The following ERBB4 variants were observed in gnomAD, a reference collection of about 807,000 sequenced individuals.
The protein encoded by ERBB4 is erb-b2 receptor tyrosine kinase 4.
In ERBB4, 42 loss-of-function variants were observed where a neutral mutation model predicts 158.0. The observed-to-expected ratio is 0.27, with a 90% CI of 0.21 to 0.34. ERBB4 has a LOEUF of 0.34. Among genes scored for constraint, ERBB4 ranks in the 10% least tolerant of loss-of-function variants. The pLI is 1.00. For synonymous variants in ERBB4, 583 were observed against 558.7 expected, an observed-to-expected ratio of 1.04 and a Z score of -0.61; for missense variants, 1,333 against 1,624.1, an observed-to-expected ratio of 0.82 and a Z score of 3.08.
intron 1 of ERBB4, among the ~76,000 whole-genome samples, chr2:212,149,219 T>C (rs145160195): frequency 6.0e-4 from 91 of 152,252 alleles, no homozygotes; most frequent in African/African-American, 2.1e-3. Context: ...TACATGAGAT[T>C]TGGAAAAGTA....
At chr2:211,959,489 A>G (rs1235539957) in intron 2 of ERBB4, among the ~76,000 whole-genome samples, 3 of 150,730 alleles carry the variant, frequency 2.0e-5, no homozygotes, top group East Asian at 3.9e-4. Context: ...TCCATTTTGG[A>G]AAAAAAAATG....
intron 20 of ERBB4, among the ~76,000 whole-genome samples, chr2:211,448,433 G>A (rs2064164279): frequency 6.6e-6 from 1 of 150,574 alleles, no homozygotes; most frequent in African/African-American, 2.4e-5. Context: ...AGATGACAAG[G>A]AAAATTGTAT....
rs2125308717 is a variant in ERBB4, at chr2:211,383,705, T to A, written c.3837A>T (p.Ala1279=). 1 of 1,614,096 alleles carries A rather than the reference T, an allele frequency of 6.2e-7. No homozygotes were observed. Among genetic ancestry groups the A allele is most frequent in the Non-Finnish European group, 8.5e-7 (1 of 1,180,000 alleles). The change falls in exon 28 of 28, where the codon GCA becomes GCT. Residue 1279 remains alanine, a synonymous_variant. Coordinates refer to ENST00000342788, the MANE Select transcript of ERBB4 (RefSeq NM_005235.3). ...ACTCAGAGAGGTATTCAGGATTCTCTGCCACAATAGGCCGGATCCGCCCAT... is the reference window on the plus strand; with the variant it reads ...ACTCAGAGAGGTATTCAGGATTCTCAGCCACAATAGGCCGGATCCGCCCAT... ...KQNGRIRPIV[A]ENPEYLSEFS... is the part of the protein sequence containing the mutation.
At position 211,390,003 on chromosome 2, in the gene ERBB4, A is replaced by C. The variant is rs1285996145; in HGVS notation, c.3136-2011T>G. Among the ~76,000 whole-genome samples, 12 of 152,208 alleles carry C rather than the reference A, an allele frequency of 7.9e-5. 1 individual carries two copies. Reference sequence around the variant, plus strand: ...ACCTTAAATATAGGCATGTTTTACTATATTTTAGAAATACCTGAAATCCAG... The same window carrying C: ...ACCTTAAATATAGGCATGTTTTACTCTATTTTAGAAATACCTGAAATCCAG... On this transcript the variant is annotated intron_variant, in intron 25 of 27. Coordinates refer to ENST00000342788, the MANE Select transcript of ERBB4 (RefSeq NM_005235.3).
chr2:212,009,909 TA>T (rs1410946699), intron 2 of ERBB4, among the ~76,000 whole-genome samples: 1 of 152,206 alleles, frequency 6.6e-6, no homozygotes, highest in Non-Finnish European at 1.5e-5. Flanking sequence ...TCTAAAGAAA[TA>T]CTCTCCTTCC....
At chr2:211,482,797 C>T (rs557498229) in intron 20 of ERBB4, among the ~76,000 whole-genome samples, 269 of 152,040 alleles carry the variant, frequency 1.8e-3, no homozygotes, top group African/African-American at 5.9e-3. Context: ...CCCAGCTACG[C>T]GGGAGGCTGA....
At chr2:211,490,270 A>G (rs12052288) in intron 20 of ERBB4, among the ~76,000 whole-genome samples, 22,489 of 151,614 alleles carry the variant, frequency 0.15, 2,263 homozygotes, top group East Asian at 0.38. Flanking sequence ...ACGTCTATTC[A>G]TTGTTACCAT....
chr2:211,881,155 A>C (rs1323191100), intron 3 of ERBB4, among the ~76,000 whole-genome samples: 1 of 152,042 alleles, frequency 6.6e-6, no homozygotes, highest in East Asian at 1.9e-4. Flanking sequence ...TTACCGTTAC[A>C]ATCCTAAAAA....
intron 1 of ERBB4, among the ~76,000 whole-genome samples, chr2:212,512,296 T>C (rs570453864): frequency 3.3e-5 from 5 of 151,942 alleles, no homozygotes; most frequent in South Asian, 2.1e-4. Context: ...AACCTCTCTT[T>C]ATATTGGGAG....
chr2:212,427,428 C>T (rs2091937797), intron 1 of ERBB4, among the ~76,000 whole-genome samples: 2 of 152,114 alleles, frequency 1.3e-5, no homozygotes, highest in South Asian at 2.1e-4. Context: ...GTATATTCTG[C>T]CTCGAACCTA....
At chr2:212,131,231 C>T (rs1330182573) in intron 1 of ERBB4, among the ~76,000 whole-genome samples, 1 of 152,168 alleles carries the variant, frequency 6.6e-6, no homozygotes, top group Non-Finnish European at 1.5e-5. Context: ...TGGACTTACA[C>T]AGCGGCCTCC....
rs535977096 is a variant in ERBB4, at chr2:211,734,336, G to T, written c.623-9142C>A. On this transcript the variant is annotated intron_variant, in intron 5 of 27. Transcript: ENST00000342788. Reference sequence around the variant, plus strand: ...CAGGAAGTTTCTAGTTTTGATGAGGGTGAAGAATTGGGCAAACTATTAGTG... The same window carrying T: ...CAGGAAGTTTCTAGTTTTGATGAGGTTGAAGAATTGGGCAAACTATTAGTG... Among the ~76,000 whole-genome samples the T allele has an allele frequency of 2.0e-5, 3 of 152,152 alleles. No homozygotes were observed. In the South Asian group the frequency reaches 6.2e-4, roughly 32 times the overall value.
chr2:211,944,163 A>T (rs868484555), intron 3 of ERBB4, among the ~76,000 whole-genome samples: 646 of 59,158 alleles, frequency 0.011, 8 homozygotes, highest in African/African-American at 0.028. Flanking sequence ...ATATATATAC[A>T]CTATATATAT....
chr2:211,603,169 T>C (rs986325198), intron 19 of ERBB4, among the ~76,000 whole-genome samples: 4 of 152,064 alleles, frequency 2.6e-5, no homozygotes, highest in African/African-American at 9.7e-5. Context: ...AGGCGGAGGT[T>C]GCAGTGAGCC....
chr2:212,095,176 G>T (rs1331436030), intron 2 of ERBB4, among the ~76,000 whole-genome samples: 1 of 152,116 alleles, frequency 6.6e-6, no homozygotes, highest in Non-Finnish European at 1.5e-5. Flanking sequence ...TCTAATTTGA[G>T]ATATTTTTTA....
At position 211,824,071 on chromosome 2, in the gene ERBB4, TG is replaced by T. The variant is rs539971610; in HGVS notation, c.422-35913del. The stretch of plus-strand genomic sequence containing the variant: ...GGGCATGGAGTGTTCTCACACAATC[TG>T]TATACTTTTCCTTATGGCAAGTGCT... On this transcript the variant is annotated intron_variant, in intron 3 of 27. Coordinates refer to ENST00000342788, the MANE Select transcript of ERBB4 (RefSeq NM_005235.3). 2.3e-4 allele frequency among the ~76,000 whole-genome samples: 35 copies of T among 152,154 alleles called. No homozygotes were observed. The East Asian group carries it at 6.6e-3, about 29-fold the overall frequency.
chr2:212,190,104 T>A (rs1011452148), intron 1 of ERBB4, among the ~76,000 whole-genome samples: 19 of 152,082 alleles, frequency 1.2e-4, no homozygotes, highest in Admixed American at 7.2e-4. Context: ...TGATAGTTAT[T>A]ACATTCTAAA....
chr2:211,425,370 G>A (rs940360612), intron 22 of ERBB4, among the ~76,000 whole-genome samples: 2 of 115,936 alleles, frequency 1.7e-5, no homozygotes, highest in Non-Finnish European at 3.1e-5. Context: ...AAAACTATGT[G>A]GAATTTAAAA....
chr2:211,405,498 C>A (rs924625107), intron 25 of ERBB4, among the ~76,000 whole-genome samples: 6 of 152,172 alleles, frequency 3.9e-5, no homozygotes, highest in African/African-American at 1.4e-4. Flanking sequence ...CCCCTATTAT[C>A]TTCCATAATC....
Sources: gnomAD v4.1 joint callset for allele counts (sites outside exome capture counted in the v4.1 genomes callset) on GRCh38, gnomAD v4.1.1 for gene constraint, MANE v1.5 for transcripts, NCBI Gene and HGNC (gene_info 2026-07-23, HGNC 2026-07-21) for gene names.